Variants in DLC1 observed in about 807,000 individuals in gnomAD.
DLC1 encodes DLC1 Rho GTPase activating protein, also known as rho GTPase-activating protein 7.
DLC1 carries 54 observed loss-of-function variants against 140.3 expected under a neutral mutation model. The ratio of observed to expected loss-of-function variants is 0.38; its 90% CI spans 0.31 to 0.48. The LOEUF (loss-of-function observed/expected upper bound fraction) is 0.48. Ranked by LOEUF, DLC1 falls within the 20% of genes least tolerant of loss-of-function variation. DLC1 has a pLI of 0.96. For synonymous variants in DLC1, 986 were observed against 728.1 expected, an observed-to-expected ratio of 1.35 and a Z score of -5.70; for missense variants, 2,536 against 1,907.0, an observed-to-expected ratio of 1.33 and a Z score of -6.14.
chr8:13,140,910 C>T (rs77648539), intron 5 of DLC1, among the ~76,000 whole-genome samples: 1,853 of 152,150 alleles, frequency 0.012, 34 homozygotes, highest in African/African-American at 0.042. Flanking sequence ...TTATTTTTCT[C>T]TCTCCCCTAG....
At chr8:13,243,853 A>G (rs1317726556) in intron 5 of DLC1, among the ~76,000 whole-genome samples, 2 of 152,136 alleles carry the variant, frequency 1.3e-5, no homozygotes, top group Admixed American at 1.3e-4. Context: ...CTATTTGTTG[A>G]TGACTCCGTA....
intron 5 of DLC1, among the ~76,000 whole-genome samples, chr8:13,289,525 C>G (rs1831675502): frequency 6.6e-6 from 1 of 151,966 alleles, no homozygotes; most frequent in Admixed American, 6.6e-5. Flanking sequence ...GAGGCAAGCT[C>G]TCACTATGTT....
chr8:13,346,617 A>G (rs1011947732), intron 4 of DLC1, among the ~76,000 whole-genome samples: 2 of 152,224 alleles, frequency 1.3e-5, no homozygotes, highest in African/African-American at 4.8e-5. Context: ...TGGCAAAGCA[A>G]GCATAGTTCC....
At chr8:13,225,596 G>T (rs1881489) in intron 5 of DLC1, among the ~76,000 whole-genome samples, 2 of 151,390 alleles carry the variant, frequency 1.3e-5, no homozygotes, top group Non-Finnish European at 2.9e-5. Flanking sequence ...TTGATTAATC[G>T]ATTTCTTTTT....
intron 4 of DLC1, among the ~76,000 whole-genome samples, chr8:13,305,627 A>G (rs986898548): frequency 6.6e-6 from 1 of 152,202 alleles, no homozygotes; most frequent in African/African-American, 2.4e-5. Flanking sequence ...CGTTGAGCCC[A>G]GGAGTTTGAG....
chr8:13,170,513 G>A lies in DLC1; in HGVS notation c.1349-54856C>T, dbSNP rs1563133396. 3.9e-5 allele frequency among the ~76,000 whole-genome samples: 6 copies of A among 152,264 alleles called. No individual in the cohort carries two copies. The South Asian group carries it at 1.0e-3, about 26-fold the overall frequency. On this transcript the variant is annotated intron_variant, in intron 5 of 17. Coordinates refer to ENST00000276297, the MANE Select transcript of DLC1 (RefSeq NM_182643.3). ...TGCGGGGCCAAGGTGGGCGGATCAT[G>A]AGGTCAGGAAATCGAGACCATCCTG...
In DLC1 at chr8:13,312,722, A is replaced by C. The variant is rs139223061; in HGVS notation, c.1315-7420T>G. Reference sequence around the variant, plus strand: ...GTGTCTATATTATATATATCTCCTTAAATTTGCAAATTCTTCAGAATTATT... The same window carrying C: ...GTGTCTATATTATATATATCTCCTTCAATTTGCAAATTCTTCAGAATTATT... On this transcript the variant is annotated intron_variant, in intron 4 of 17. Transcript: ENST00000276297. Among the ~76,000 whole-genome samples the C allele has an allele frequency of 3.9e-3, 593 of 152,196 alleles. 4 individuals are homozygous for C. Among genetic ancestry groups the C allele is most frequent in the African/African-American group, 0.014 (566 of 41,536 alleles).
At chr8:13,500,292 T>G in intron 1 of DLC1, 96 bp from the exon 2 acceptor site, 2 of 433,918 alleles carry the variant, frequency 4.6e-6, no homozygotes, top group South Asian at 9.9e-5. Flanking sequence ...GCTATCAAAG[T>G]TAAGAGATTT....
At chr8:13,511,510 A>G (rs1802364418) in intron 1 of DLC1, among the ~76,000 whole-genome samples, 1 of 152,206 alleles carries the variant, frequency 6.6e-6, no homozygotes, top group Non-Finnish European at 1.5e-5. Flanking sequence ...CTATCAGTTG[A>G]AAGCCAAAAC....
chr8:13,503,547 C>T (rs948606211), intron 1 of DLC1, among the ~76,000 whole-genome samples: 2 of 152,118 alleles, frequency 1.3e-5, no homozygotes, highest in Non-Finnish European at 2.9e-5. Flanking sequence ...TATAATTTGG[C>T]CTGCCAATTG....
chr8:13,577,726 G>C (rs529604763), intron 1 of DLC1, among the ~76,000 whole-genome samples: 229 of 152,090 alleles, frequency 1.5e-3, no homozygotes, highest in African/African-American at 5.3e-3. Context: ...TTTCCTCCTT[G>C]GTATCTAGGA....
chr8:13,126,413 C>T (rs1821575396), intron 5 of DLC1, among the ~76,000 whole-genome samples: 1 of 141,860 alleles, frequency 7.0e-6, no homozygotes, highest in East Asian at 2.0e-4. Flanking sequence ...GTACGTATTT[C>T]TAGTATTCCA....
intron 4 of DLC1, among the ~76,000 whole-genome samples, chr8:13,365,360 G>C (rs1306753991): frequency 2.0e-5 from 3 of 152,166 alleles, no homozygotes; most frequent in Non-Finnish European, 4.4e-5. Flanking sequence ...TTGGTGGTAA[G>C]TGACTGCACA....
At chr8:13,464,981 C>G (rs376051736) in intron 2 of DLC1, among the ~76,000 whole-genome samples, 1 of 151,940 alleles carries the variant, frequency 6.6e-6, no homozygotes, top group African/African-American at 2.4e-5. Context: ...ATCTTCCCAC[C>G]TCAGCCTCCT....
intron 2 of DLC1, among the ~76,000 whole-genome samples, chr8:13,411,835 A>G (rs747291154): frequency 6.6e-6 from 1 of 152,196 alleles, no homozygotes; most frequent in Non-Finnish European, 1.5e-5. Flanking sequence ...AATGACCAAT[A>G]TTTTGCTCAT....
At chr8:13,124,668 A>T (rs1248902204) in intron 5 of DLC1, among the ~76,000 whole-genome samples, 1 of 152,200 alleles carries the variant, frequency 6.6e-6, no homozygotes, top group Admixed American at 6.5e-5. Context: ...GGCCTTAAGA[A>T]AAGAATTTCT....
chr8:13,285,761 G>A (rs567945206), intron 5 of DLC1, among the ~76,000 whole-genome samples: 20 of 152,116 alleles, frequency 1.3e-4, no homozygotes, highest in Admixed American at 5.2e-4. Context: ...AAAGTTAAAC[G>A]TACCCTACCA....
At chr8:13,246,744 C>T (rs141077472) in intron 5 of DLC1, among the ~76,000 whole-genome samples, 1 of 151,722 alleles carries the variant, frequency 6.6e-6, no homozygotes, top group African/African-American at 2.4e-5. Context: ...TCACATTTAT[C>T]TGAGTTCCTA....
At chr8:13,561,755 C>CTTTTATA (rs1804251625) in intron 1 of DLC1, among the ~76,000 whole-genome samples, 1 of 152,072 alleles carries the variant, frequency 6.6e-6, no homozygotes, top group Admixed American at 6.5e-5. Flanking sequence ...CATTACAGAA[C>CTTTTATA]TATGATAAAT....
Sources: gnomAD v4.1 joint callset for allele counts (sites outside exome capture counted in the v4.1 genomes callset) on GRCh38, gnomAD v4.1.1 for gene constraint, MANE v1.5 for transcripts, NCBI Gene and HGNC (gene_info 2026-07-23, HGNC 2026-07-21) for gene names.